The following ACSL6 variants were observed in gnomAD, a reference collection of about 807,000 sequenced individuals.
ACSL6 encodes long-chain-fatty-acid--CoA ligase 6.
A neutral mutation model predicts 98.2 loss-of-function variants in ACSL6; 47 were observed. The ratio of observed to expected loss-of-function variants is 0.48; its 90% CI spans 0.38 to 0.61. The LOEUF (loss-of-function observed/expected upper bound fraction) is 0.61. Ranked by LOEUF, ACSL6 falls within the 20% of genes least tolerant of loss-of-function variation. The probability of loss-of-function intolerance (pLI) is 0.00; values close to 1 mark genes in which losing one functional copy is unlikely to be tolerated. For synonymous variants in ACSL6, 362 were observed against 336.9 expected (o/e 1.07, Z -0.82); for missense variants, 761 against 913.4 (o/e 0.83, Z 2.15).
At chr5:131,963,486 C>T (rs1216650046) in intron 17 of ACSL6, among the ~76,000 whole-genome samples, 1 of 152,206 alleles carries the variant, frequency 6.6e-6, no homozygotes. Flanking sequence ...CCCAAATACC[C>T]TTGGAATGCT....
chr5:131,990,825 C>T (rs1213627259), intron 3 of ACSL6, 28 bp downstream of exon 3: 2 of 1,464,388 alleles, frequency 1.4e-6, no homozygotes, highest in Non-Finnish European at 1.8e-6. Flanking sequence ...CACAGCCCCT[C>T]CACACCCCCC....
intron 18 of ACSL6, among the ~76,000 whole-genome samples, chr5:131,962,023 A>G (rs1380682410): frequency 6.6e-6 from 1 of 151,790 alleles, no homozygotes; most frequent in Non-Finnish European, 1.5e-5. Context: ...TAAAAATTAA[A>G]AAAAAAATAG....
rs1476311065 is a variant in ACSL6 at position 131,952,834 on chromosome 5, T to C, written c.*1400A>G. On this transcript the variant is annotated 3_prime_UTR_variant, in exon 21 of 21. Coordinates refer to ENST00000651883, the MANE Select transcript of ACSL6 (RefSeq NM_001009185.3). ...GGCAGTATTTCTTTGTCTATGGACT[T>C]AAAAAGTTTTCTTGGGGCATTTTAA... is the stretch of plus-strand genomic sequence containing the variant. The C allele has an allele frequency of 1.4e-5, 3 of 218,096 alleles. No homozygotes were observed. The highest frequency in any genetic ancestry group is 2.8e-5 in the Non-Finnish European group (3 of 108,790). 13.5% of individuals were successfully genotyped at this position (218,096 alleles called of 1,614,324 possible). A position where few individuals can be genotyped will look rare whatever the true frequency, so the allele number is the denominator to read the frequency against.
intron 20 of ACSL6, among the ~76,000 whole-genome samples, chr5:131,956,935 C>A (rs1223003446): frequency 6.6e-6 from 1 of 152,146 alleles, no homozygotes; most frequent in Non-Finnish European, 1.5e-5. Context: ...AAACCATACT[C>A]TTTTCACTGA....
chr5:132,011,491 G>T lies in ACSL6; in HGVS notation c.49+14C>A. 1 of 1,610,240 alleles carries T rather than the reference G, an allele frequency of 6.2e-7. No homozygotes were observed. Among genetic ancestry groups the T allele is most frequent in the Non-Finnish European group, 8.5e-7 (1 of 1,177,960 alleles). On this transcript the variant is annotated intron_variant, in intron 1 of 20. Coordinates refer to ENST00000651883, the MANE Select transcript of ACSL6 (RefSeq NM_001009185.3). This position sits in a 1 kb window ranked among gnomAD's most constrained non-coding sequence, Gnocchi z 5.4. ...GAGATGGGAGTCCGGGACGCGGACA[G>T]GACGGGCACTTACCTACGAATAGCC...
At chr5:131,976,993 A>G (rs1272305196) in intron 9 of ACSL6, among the ~76,000 whole-genome samples, 3 of 152,234 alleles carry the variant, frequency 2.0e-5, no homozygotes, top group African/African-American at 4.8e-5. Flanking sequence ...TGAAGGGTCA[A>G]CTGCTTGTGG....
At chr5:131,975,579 T>A in intron 10 of ACSL6, 1 of 982,952 alleles carries the variant, frequency 1.0e-6, no homozygotes, top group Non-Finnish European at 1.2e-6. Flanking sequence ...CCCCAAACAC[T>A]GGCTGAGCCT....
chr5:132,006,843 T>C (rs1755435977), intron 1 of ACSL6: 1 of 152,126 alleles, frequency 6.6e-6, no homozygotes. Flanking sequence ...CAGTGAAGGG[T>C]AACCTGGCCC....
chr5:132,002,090 T>G (rs1047275572), intron 1 of ACSL6, among the ~76,000 whole-genome samples: 1 of 152,134 alleles, frequency 6.6e-6, no homozygotes, highest in Non-Finnish European at 1.5e-5. Context: ...GGACTGATGG[T>G]GTGGACGAGT....
intron 1 of ACSL6, among the ~76,000 whole-genome samples, chr5:132,008,739 C>T (rs969180233): frequency 2.6e-5 from 4 of 152,244 alleles, no homozygotes; most frequent in African/African-American, 4.8e-5. Context: ...ATCTTGGCCT[C>T]CCTATCTCTG....
intron 20 of ACSL6, 82 bp downstream of exon 20, chr5:131,959,454 C>A: frequency 6.9e-7 from 1 of 1,450,252 alleles, no homozygotes; most frequent in Non-Finnish European, 9.7e-7. Context: ...AGTCAGGAAT[C>A]TAGGTCAGGG....
At chr5:131,958,543 A>C (rs1360034255) in intron 20 of ACSL6, among the ~76,000 whole-genome samples, 1 of 152,250 alleles carries the variant, frequency 6.6e-6, no homozygotes, top group East Asian at 1.9e-4. Flanking sequence ...TTGAGGGTAA[A>C]GCAGTGTTTC....
intron 20 of ACSL6, among the ~76,000 whole-genome samples, chr5:131,958,572 A>C (rs929669218): frequency 2.6e-5 from 4 of 152,224 alleles, no homozygotes; most frequent in Admixed American, 1.3e-4. Context: ...GATTAATGTA[A>C]AGATCTATTT....
chr5:131,954,150 T>C lies in ACSL6; in HGVS notation c.*84A>G. On this transcript the variant is annotated 3_prime_UTR_variant, in exon 21 of 21. Transcript: ENST00000651883. ...AATCAGATGCTTATTCATTTTCAGC[T>C]GTGTCATTTTGACTCATTACTTTCA... is the stretch of plus-strand genomic sequence containing the variant. The C allele has an allele frequency of 2.2e-6, 3 of 1,379,386 alleles. No individual in the cohort carries two copies. Among genetic ancestry groups the C allele is most frequent in the Non-Finnish European group, 2.9e-6 (3 of 1,046,010 alleles). The allele number at this position is 1,379,386 out of a possible 1,614,324, so 85.4% of individuals were successfully genotyped here.
intron 1 of ACSL6, among the ~76,000 whole-genome samples, chr5:132,008,211 C>A (rs1226839317): frequency 6.6e-6 from 1 of 152,236 alleles, no homozygotes; most frequent in Admixed American, 6.5e-5. Flanking sequence ...TTCATAACTG[C>A]AATCTCCAAA....
At chr5:131,971,956 G>T (rs1211559991) in intron 13 of ACSL6, among the ~76,000 whole-genome samples, 3 of 152,084 alleles carry the variant, frequency 2.0e-5, no homozygotes, top group African/African-American at 7.2e-5. Flanking sequence ...AAAATACACA[G>T]CTGTTCCGTC....
At chr5:132,005,009 G>A (rs429918) in intron 1 of ACSL6, among the ~76,000 whole-genome samples, 22,688 of 152,060 alleles carry the variant, frequency 0.15, 2,224 homozygotes, top group Non-Finnish European at 0.21. Context: ...AAAATTAGCC[G>A]GGTGTGGTGG....
rs932112831 is a variant in ACSL6 at position 131,967,971 on chromosome 5, A to G, written c.1565T>C (p.Leu522Pro). ...CTCTCCTTTGCAGGCCCAGTAGTTCAGTTCCTCAACATCAACGAGCTTGAT... is the reference window on the plus strand; with the variant it reads ...CTCTCCTTTGCAGGCCCAGTAGTTCGGTTCCTCAACATCAACGAGCTTGAT... ...NHIKLVDVEE[L>P]NYWACKGEGE... Residue 522 changes from leucine (L) to proline (P), a missense_variant, in exon 16 of 21, where the codon CTG (leucine) becomes CCG (proline). Physicochemically the swap from Leu to Pro is moderately conservative, Grantham distance 98. Transcript: ENST00000651883. 1 of 1,614,114 alleles carries G rather than the reference A, an allele frequency of 6.2e-7. No individual in the cohort carries two copies. The highest frequency in any genetic ancestry group is 8.5e-7 in the Non-Finnish European group (1 of 1,179,968).
chr5:131,994,499 G>A (rs1282246832), intron 1 of ACSL6: 1 of 507,138 alleles, frequency 2.0e-6, no homozygotes, highest in Non-Finnish European at 3.6e-6. Flanking sequence ...CATACGCTCA[G>A]GCCCTGGGCC....
Sources: allele counts gnomAD v4.1 joint callset (sites outside exome capture counted in the v4.1 genomes callset), GRCh38; gene constraint gnomAD v4.1.1; non-coding constraint Gnocchi (gnomAD v3.1); transcripts MANE v1.5; gene names NCBI Gene and HGNC (gene_info 2026-07-23, HGNC 2026-07-21).